ELOVL6: variants seen among roughly 807,000 people sequenced by gnomAD.
ELOVL6 encodes the protein very long chain fatty acid elongase 6.
ELOVL6 carries 8 observed loss-of-function variants against 31.7 expected under a neutral mutation model. The ratio of observed to expected loss-of-function variants is 0.25; its 90% confidence interval spans 0.15 to 0.45. ELOVL6 has a LOEUF of 0.45. ELOVL6 is among the 20% of genes least tolerant of loss of function. The pLI is 1.00. For synonymous variants in ELOVL6, 101 were observed against 117.7 expected (o/e 0.86, Z 0.92); for missense variants, 126 against 326.4 (o/e 0.39, Z 4.73).
intron 1 of ELOVL6, chr4:110,146,232 A>T (rs922899961): frequency 4.6e-5 from 7 of 152,146 alleles, no homozygotes; most frequent in African/African-American, 1.7e-4. Context: ...AAGAACATAC[A>T]CTGAGGAAAG....
intron 1 of ELOVL6, among the ~76,000 whole-genome samples, chr4:110,140,960 G>A (rs181881845): frequency 7.0e-4 from 106 of 152,158 alleles, no homozygotes; most frequent in Non-Finnish European, 1.0e-3. Flanking sequence ...GGCTGGGGAG[G>A]CCTCACAATC....
chr4:110,178,561 A>C (rs536237903), intron 1 of ELOVL6, among the ~76,000 whole-genome samples: 1 of 152,054 alleles, frequency 6.6e-6, no homozygotes, highest in Non-Finnish European at 1.5e-5. Context: ...TCTAAAAAAA[A>C]AAAAAGGAAA....
intron 2 of ELOVL6, among the ~76,000 whole-genome samples, chr4:110,094,786 A>G (rs1756531638): frequency 6.6e-6 from 1 of 152,118 alleles, no homozygotes; most frequent in Admixed American, 6.6e-5. Flanking sequence ...GAATGCAATG[A>G]AGACTGGACT....
At chr4:110,082,889 C>A (rs1489455632) in intron 2 of ELOVL6, among the ~76,000 whole-genome samples, 1 of 151,932 alleles carries the variant, frequency 6.6e-6, no homozygotes, top group Non-Finnish European at 1.5e-5. Flanking sequence ...TATCCACAAA[C>A]GCTTTTAACA....
chr4:110,173,043 G>C (rs1034908753), intron 1 of ELOVL6, among the ~76,000 whole-genome samples: 3 of 152,132 alleles, frequency 2.0e-5, no homozygotes, highest in African/African-American at 7.2e-5. Context: ...TAAACCCACA[G>C]GTTTGTGTAA....
chr4:110,100,211 G>A (rs534320901), intron 2 of ELOVL6, among the ~76,000 whole-genome samples: 2 of 152,260 alleles, frequency 1.3e-5, no homozygotes, highest in South Asian at 2.1e-4. Flanking sequence ...TGGAGGAATC[G>A]TGGGGAGAGA....
chr4:110,085,039 A>G (rs770793493), intron 2 of ELOVL6, among the ~76,000 whole-genome samples: 1 of 152,164 alleles, frequency 6.6e-6, no homozygotes, highest in Non-Finnish European at 1.5e-5. Context: ...GTTGTGGTAG[A>G]GTGTTGGCAG....
chr4:110,174,007 A>G (rs1759028024), intron 1 of ELOVL6, among the ~76,000 whole-genome samples: 1 of 152,074 alleles, frequency 6.6e-6, no homozygotes, highest in Non-Finnish European at 1.5e-5. Context: ...AAATAAAAAT[A>G]TAAAAAAGCA....
chr4:110,181,240 A>T (rs1245192453), intron 1 of ELOVL6, among the ~76,000 whole-genome samples: 1 of 152,148 alleles, frequency 6.6e-6, no homozygotes, highest in Non-Finnish European at 1.5e-5. Context: ...CGACTCCAGG[A>T]GTTCAAGACC....
intron 1 of ELOVL6, among the ~76,000 whole-genome samples, chr4:110,174,899 G>A (rs1759053926): frequency 2.0e-5 from 3 of 151,980 alleles, no homozygotes; most frequent in Admixed American, 2.0e-4. Context: ...TAACTCATAG[G>A]ATACTTGTTA....
rs190760653 is a variant in ELOVL6 at position 110,111,505 on chromosome 4, G to A, written c.90-5877C>T. Among the ~76,000 whole-genome samples the A allele has an allele frequency of 7.4e-4, 112 of 151,906 alleles. 2 individuals are homozygous for A. The South Asian group carries it at 0.014, about 19-fold the overall frequency. On this transcript the variant is annotated intron_variant, in intron 1 of 3. Transcript: ENST00000302274. ...ACTCATTGTATTCCTTTGCAGTATGGTTAGTAAGACATTGAATGAAAAAAG... is the reference window on the plus strand; with the variant it reads ...ACTCATTGTATTCCTTTGCAGTATGATTAGTAAGACATTGAATGAAAAAAG...
intron 1 of ELOVL6, among the ~76,000 whole-genome samples, chr4:110,184,023 T>C (rs988994778): frequency 1.3e-5 from 2 of 152,114 alleles, no homozygotes; most frequent in African/African-American, 4.8e-5. Context: ...AAAAAAATCA[T>C]CTCTCTCTGA....
intron 1 of ELOVL6, among the ~76,000 whole-genome samples, chr4:110,150,563 G>A (rs1273380623): frequency 3.9e-5 from 6 of 151,940 alleles, no homozygotes; most frequent in Admixed American, 3.9e-4. Flanking sequence ...GCAAAATATT[G>A]TCAAAAATAC....
At chr4:110,083,124 T>C (rs1271164131) in intron 2 of ELOVL6, among the ~76,000 whole-genome samples, 9 of 151,828 alleles carry the variant, frequency 5.9e-5, no homozygotes, top group Non-Finnish European at 1.3e-4. Flanking sequence ...AGGTTCTTCA[T>C]ATCAAGTGAT....
intron 1 of ELOVL6, among the ~76,000 whole-genome samples, chr4:110,164,923 C>T (rs1418949508): frequency 6.6e-6 from 1 of 151,988 alleles, no homozygotes; most frequent in Non-Finnish European, 1.5e-5. Context: ...ACTACAACCT[C>T]TGCCCCCCAG....
At chr4:110,104,595 GAATA>G (rs1756835262) in intron 2 of ELOVL6, among the ~76,000 whole-genome samples, 2 of 152,088 alleles carry the variant, frequency 1.3e-5, no homozygotes, top group African/African-American at 4.8e-5. Flanking sequence ...AAATACAAAT[GAATA>G]TTTATAAATA....
At chr4:110,114,417 C>T (rs750212006) in intron 1 of ELOVL6, among the ~76,000 whole-genome samples, 4 of 151,960 alleles carry the variant, frequency 2.6e-5, no homozygotes, top group Non-Finnish European at 5.9e-5. Flanking sequence ...AAGATTGGAA[C>T]AGACCTTAGA....
rs771979988 is a variant in ELOVL6, at chr4:110,048,734, T to A, written c.*2604A>T. On this transcript the variant is annotated 3_prime_UTR_variant, in exon 4 of 4. Transcript: ENST00000302274. Reference sequence around the variant, plus strand: ...TTGTTTTAAAAAAAATGTGGCTTTTTTCCTCCCATGATAAACATTGGAAAT... The same window carrying A: ...TTGTTTTAAAAAAAATGTGGCTTTTATCCTCCCATGATAAACATTGGAAAT... 2 of 152,228 alleles carry A rather than the reference T, an allele frequency of 1.3e-5. No individual in the cohort carries two copies. The highest frequency in any genetic ancestry group is 2.9e-5 in the Non-Finnish European group (2 of 68,044). 9.4% of individuals were successfully genotyped at this position (152,228 alleles called of 1,614,324 possible).
intron 1 of ELOVL6, among the ~76,000 whole-genome samples, chr4:110,193,100 C>T (rs1759670719): frequency 6.6e-6 from 1 of 152,182 alleles, no homozygotes; most frequent in African/African-American, 2.4e-5. Flanking sequence ...TCAAAGCAAT[C>T]CTCACTAAAT....
Sources: gnomAD v4.1 joint callset for allele counts (sites outside exome capture counted in the v4.1 genomes callset) on GRCh38, gnomAD v4.1.1 for gene constraint, MANE v1.5 for transcripts, NCBI Gene and HGNC (gene_info 2026-07-23, HGNC 2026-07-21) for gene names.